BTBD19: variants seen among roughly 807,000 people sequenced by gnomAD.
BTBD19 encodes BTB/POZ domain-containing protein 19.
A neutral mutation model predicts 36.1 loss-of-function variants in BTBD19; 20 were observed. The ratio of observed to expected loss-of-function variants is 0.55; its 90% CI spans 0.39 to 0.80. The LOEUF is 0.80. Ranked by LOEUF, BTBD19 falls within the 30% of genes least tolerant of loss-of-function variation. The pLI is 0.00. For missense variants in BTBD19, 325 were observed against 389.8 expected (o/e 0.83, Z 1.40); for synonymous variants, 157 against 174.3 (o/e 0.90, Z 0.78).
At chr1:44,808,906 G>A (rs967440991) in exon 1 of BTBD19, 1 of 1,546,402 alleles carries the variant, frequency 6.5e-7, no homozygotes, top group Non-Finnish European at 8.7e-7. Flanking sequence ...CCGCGATACA[G>A]GTGAGGGGTG....
chr1:44,813,974 G>GC lies in BTBD19; in HGVS notation c.*203dup. ...TGTGGGCGAGGTGGGGTCGGGCCGGGCAGGGCTTGGGCTGGGCCTCCCTGA... is the reference window on the plus strand; with the variant it reads ...TGTGGGCGAGGTGGGGTCGGGCCGGGCCAGGGCTTGGGCTGGGCCTCCCTGA... On this transcript the variant is annotated 3_prime_UTR_variant, in exon 8 of 8. Transcript: ENST00000450269. The surrounding 1 kb of genome is among the most constrained non-coding windows in gnomAD (Gnocchi z 7.8). The GC allele has an allele frequency of 2.4e-6, 2 of 841,190 alleles. No homozygotes were observed. Among genetic ancestry groups the GC allele is most frequent in the East Asian group, 5.4e-5 (2 of 37,038 alleles). The allele number at this position is 841,190 out of a possible 1,614,324, so 52.1% of individuals were successfully genotyped here.
rs1429205582 is a variant in BTBD19, at chr1:44,813,507, C to A, written c.741+8C>A. 3 of 1,549,732 alleles carry A rather than the reference C, an allele frequency of 1.9e-6. No homozygotes were observed. Among genetic ancestry groups the A allele is most frequent in the Non-Finnish European group, 2.6e-6 (3 of 1,145,986 alleles). On this transcript the variant is annotated splice_region_variant and intron_variant, in intron 7 of 7. Transcript: ENST00000450269. The surrounding 1 kb of genome is among the most constrained non-coding windows in gnomAD (Gnocchi z 7.8). ...CAGGAACCACTCATCCCGGTGGGGA[C>A]GCGGGGAACCGGCCCAGCTCCACTC...
exon 1 of BTBD19, chr1:44,808,551 C>G (rs2148861027): frequency 3.0e-6 from 1 of 329,284 alleles, no homozygotes; most frequent in African/African-American, 2.1e-5. Context: ...GCCGCCGCCG[C>G]CAGCCAGCCA....
rs1573628620 is a variant in BTBD19, at chr1:44,813,590, G to T, written c.742-48G>T. The T allele has an allele frequency of 1.3e-6, 2 of 1,537,204 alleles. No individual in the cohort carries two copies. The highest frequency in any genetic ancestry group is 1.4e-5 in the African/African-American group (1 of 72,924). On this transcript the variant is annotated intron_variant, in intron 7 of 7. Coordinates refer to ENST00000450269, the Ensembl canonical transcript of BTBD19. The surrounding 1 kb of genome is among the most constrained non-coding windows in gnomAD (Gnocchi z 7.8). ...GAGCAGCCCGGCCCACGGTCCTCGG[G>T]GCGAGGGGCCACCGCGGGACTGCGC...
intron 4 of BTBD19, 136 bp from the exon 5 acceptor site, chr1:44,812,860 G>A (rs1353673662): frequency 1.5e-6 from 1 of 656,808 alleles, no homozygotes; most frequent in Non-Finnish European, 2.5e-6. Flanking sequence ...ATTGGGTCTA[G>A]TTTCCTGGAG....
At chr1:44,815,533 C>CT (rs1272251300), downstream of BTBD19, 1 of 152,134 alleles carries the variant, frequency 6.6e-6, no homozygotes, top group Non-Finnish European at 1.5e-5. Context: ...TCCTCAGTCT[C>CT]TGTCAGATAA....
In BTBD19 at chr1:44,813,241, C is replaced by G. The variant is rs868017438; in HGVS notation, c.587C>G (p.Ala196Gly). 2 of 1,538,862 alleles carry G rather than the reference C, an allele frequency of 1.3e-6. No individual in the cohort carries two copies. The highest frequency in any genetic ancestry group is 2.5e-5 in the East Asian group (1 of 40,710). The change falls in exon 6 of 8, where the codon GCG (alanine) becomes GGG (glycine). Residue 196 changes from alanine (A) to glycine (G), a missense_variant. Transcript: ENST00000450269. This position sits in a 1 kb window ranked among gnomAD's most constrained non-coding sequence, Gnocchi z 7.8. Reference sequence around the variant, plus strand: ...GTGGACGAGGCTGAACTGGTCCGCGCGGCCCGAAGCTGGGCGCGCGTGGGC... The same window carrying G: ...GTGGACGAGGCTGAACTGGTCCGCGGGGCCCGAAGCTGGGCGCGCGTGGGC...
In BTBD19 at chr1:44,813,424, G is replaced by A; in HGVS notation, c.666G>A (p.Glu222=). Residue 222 remains glutamate (E), a synonymous_variant, in exon 7 of 8, where the codon GAG becomes GAA. Coordinates refer to ENST00000450269, the Ensembl canonical transcript of BTBD19. This position sits in a 1 kb window ranked among gnomAD's most constrained non-coding sequence, Gnocchi z 7.8. ...AGGTGGCGGCCCCGGTGGTGAAAGAGCTGAGACTAGCCTTGCTGGCCCCGG... is the reference window on the plus strand; with the variant it reads ...AGGTGGCGGCCCCGGTGGTGAAAGAACTGAGACTAGCCTTGCTGGCCCCGG... 1.3e-6 allele frequency: 2 copies of A among 1,543,220 alleles called. No individual in the cohort carries two copies. The highest frequency in any genetic ancestry group is 1.7e-4 in the Middle Eastern group (1 of 5,964).
chr1:44,813,096 C>T lies in BTBD19; in HGVS notation c.483+32C>T, dbSNP rs141761478. 8 of 1,546,356 alleles carry T rather than the reference C, an allele frequency of 5.2e-6. 1 individual carries two copies. Among genetic ancestry groups the T allele is most frequent in the Middle Eastern group, 1.7e-4 (1 of 5,970 alleles). ...CTCCCTTCATACTCCTCACCCTACG[C>T]ACCGCATTCTGCTCCTCCCTGACCC... On this transcript the variant is annotated intron_variant, in intron 5 of 7. Transcript: ENST00000450269. This position sits in a 1 kb window ranked among gnomAD's most constrained non-coding sequence, Gnocchi z 7.8.
rs1214905688 is a variant in BTBD19 at position 44,810,828 on chromosome 1, G to A, written c.354+221G>A. ...TGCTGTGGGAAGAGGGGGTGATTAT[G>A]GCTGGTGCTGTAGATACAAAGATAT... On this transcript the variant is annotated intron_variant, in intron 3 of 7. Transcript: ENST00000450269. The surrounding 1 kb of genome is among the most constrained non-coding windows in gnomAD (Gnocchi z 4.2). The A allele has an allele frequency of 2.4e-5, 9 of 370,438 alleles. No individual in the cohort carries two copies. Among genetic ancestry groups the A allele is most frequent in the Non-Finnish European group, 3.7e-5 (7 of 188,068 alleles). The allele number at this position is 370,438 out of a possible 1,614,324, so 22.9% of individuals were successfully genotyped here.
intron 3 of BTBD19, 136 bp from the exon 4 acceptor site, chr1:44,811,903 C>T: frequency 1.7e-6 from 1 of 596,392 alleles, no homozygotes; most frequent in South Asian, 1.6e-5. Flanking sequence ...TTCCCTGCCT[C>T]CCCTGGCCTG....
rs1411425191 is a variant in BTBD19 at position 44,810,033 on chromosome 1, T to C, written c.87-180T>C. ...GGAAGTCACTTGCCTATGGTACCCATTAGGTGGAGCTGGGACTAGAACTCA... is the reference window on the plus strand; with the variant it reads ...GGAAGTCACTTGCCTATGGTACCCACTAGGTGGAGCTGGGACTAGAACTCA... On this transcript the variant is annotated intron_variant, in intron 1 of 7. Transcript: ENST00000450269. This position sits in a 1 kb window ranked among gnomAD's most constrained non-coding sequence, Gnocchi z 4.2. Among the ~76,000 whole-genome samples the C allele has an allele frequency of 6.6e-6, 1 of 152,176 alleles. No individual in the cohort carries two copies. Among genetic ancestry groups the C allele is most frequent in the Non-Finnish European group, 1.5e-5 (1 of 68,026 alleles).
At chr1:44,814,170 C>CTT (rs1316030147), downstream of BTBD19, 78 of 139,754 alleles carry the variant, frequency 5.6e-4, 1 homozygote, top group East Asian at 0.015. Flanking sequence ...TTCTTTCTTT[C>CTT]TTTCTTTCTT....
At chr1:44,815,276 A>AATC, downstream of BTBD19, 1 of 152,088 alleles carries the variant, frequency 6.6e-6, no homozygotes, top group East Asian at 1.9e-4. Flanking sequence ...GACAAAATTC[A>AATC]ATCTATTTCA....
At chr1:44,815,194 A>T (rs1322880041), downstream of BTBD19, 3 of 152,148 alleles carry the variant, frequency 2.0e-5, no homozygotes. Flanking sequence ...CATTTCCCAC[A>T]GTGCAGCCAG....
intron 4 of BTBD19, 121 bp from the exon 5 acceptor site, chr1:44,812,875 G>A: frequency 1.2e-6 from 1 of 827,250 alleles, no homozygotes; most frequent in Non-Finnish European, 1.9e-6. Flanking sequence ...CTGGAGGGCT[G>A]AGGGCCCTGT....
At position 44,813,335 on chromosome 1, in the gene BTBD19, CGGCAGGACAGGT is replaced by C. The variant is rs1365062795; in HGVS notation, c.616-37_616-26del. ...GCTGGCCACGAGACTGGTGAGCGGG[CGGCAGGACAGGT>C]GCCCGACTCAGGGCTGGCGTTTGCA... On this transcript the variant is annotated intron_variant, in intron 6 of 7. Coordinates refer to ENST00000450269, the Ensembl canonical transcript of BTBD19. The surrounding 1 kb of genome is among the most constrained non-coding windows in gnomAD (Gnocchi z 7.8). 6.5e-7 allele frequency: 1 copy of C among 1,540,922 alleles called. No individual in the cohort carries two copies. Among genetic ancestry groups the C allele is most frequent in the Non-Finnish European group, 8.7e-7 (1 of 1,146,142 alleles).
chr1:44,811,974 G>A (rs1652436725), intron 3 of BTBD19, 65 bp from the exon 4 acceptor site: 1 of 1,210,720 alleles, frequency 8.3e-7, no homozygotes, highest in African/African-American at 1.6e-5. Context: ...CACTGCTTCT[G>A]GGGTGGAACT....
rs1324580422 is a variant in BTBD19, at chr1:44,813,107, G to A, written c.484-31G>A. The stretch of plus-strand genomic sequence containing the variant: ...CTCCTCACCCTACGCACCGCATTCT[G>A]CTCCTCCCTGACCCATTTGCCGGCT... On this transcript the variant is annotated intron_variant, in intron 5 of 7. Coordinates refer to ENST00000450269, the Ensembl canonical transcript of BTBD19. This position sits in a 1 kb window ranked among gnomAD's most constrained non-coding sequence, Gnocchi z 7.8. 4.5e-6 allele frequency: 7 copies of A among 1,543,958 alleles called. No individual in the cohort carries two copies. The highest frequency in any genetic ancestry group is 6.1e-6 in the Non-Finnish European group (7 of 1,142,490).
Sources: allele counts gnomAD v4.1 joint callset (sites outside exome capture counted in the v4.1 genomes callset), GRCh38; gene constraint gnomAD v4.1.1; non-coding constraint Gnocchi (gnomAD v3.1); transcripts MANE v1.5; gene names NCBI Gene and HGNC (gene_info 2026-07-23, HGNC 2026-07-21).